Variants in GRIN3A observed in about 807,000 individuals in gnomAD.
GRIN3A encodes glutamate receptor ionotropic, NMDA 3A.
Under a neutral mutation model 92.4 loss-of-function variants are expected in GRIN3A, and 47 were observed. That is an observed-to-expected ratio of 0.51 (90% CI 0.40 to 0.65). The LOEUF (loss-of-function observed/expected upper bound fraction) is 0.65. Among genes scored for constraint, GRIN3A ranks in the 30% least tolerant of loss-of-function variants. GRIN3A has a pLI of 0.00. For missense variants in GRIN3A, 1,324 were observed against 1,393.1 expected (o/e 0.95, Z 0.79); for synonymous variants, 527 against 540.6 (o/e 0.97, Z 0.35).
chr9:101,653,115 A>AT (rs1829035139), intron 3 of GRIN3A, among the ~76,000 whole-genome samples: 2 of 151,962 alleles, frequency 1.3e-5, no homozygotes, highest in South Asian at 4.1e-4. Flanking sequence ...AATGCATAAA[A>AT]TGTTCCAAGT....
intron 6 of GRIN3A, among the ~76,000 whole-genome samples, chr9:101,609,269 T>C (rs1828326918): frequency 6.6e-6 from 1 of 152,208 alleles, no homozygotes; most frequent in South Asian, 2.1e-4. Flanking sequence ...TCTGGTAATA[T>C]TTCTTTACTT....
At chr9:101,615,047 A>G (rs1412298239) in intron 5 of GRIN3A, among the ~76,000 whole-genome samples, 14 of 152,060 alleles carry the variant, frequency 9.2e-5, no homozygotes. Context: ...TTGTTGTCAG[A>G]GTTTTATTAG....
chr9:101,624,293 A>C (rs955312484), intron 4 of GRIN3A, among the ~76,000 whole-genome samples: 7 of 151,974 alleles, frequency 4.6e-5, no homozygotes, highest in Non-Finnish European at 1.5e-5. Flanking sequence ...TTACATATGT[A>C]TACATGTGCC....
intron 1 of GRIN3A, among the ~76,000 whole-genome samples, chr9:101,726,189 A>G (rs568126456): frequency 2.5e-4 from 38 of 152,344 alleles, no homozygotes; most frequent in African/African-American, 9.1e-4. Context: ...AACCAATCAG[A>G]TATCTGGATA....
chr9:101,714,742 G>C (rs1829922401), intron 1 of GRIN3A, among the ~76,000 whole-genome samples: 1 of 152,104 alleles, frequency 6.6e-6, no homozygotes, highest in Non-Finnish European at 1.5e-5. Flanking sequence ...TAAAAAAAAT[G>C]TCAATTTGAT....
At chr9:101,700,694 ATG>A (rs1232695088) in intron 1 of GRIN3A, among the ~76,000 whole-genome samples, 9 of 152,312 alleles carry the variant, frequency 5.9e-5, no homozygotes, top group African/African-American at 2.2e-4. Context: ...CAATATAAGA[ATG>A]TATCAATATT....
chr9:101,573,486 G>A lies in GRIN3A; in HGVS notation c.3036C>T (p.Thr1012=), dbSNP rs148235119. 3.1e-6 allele frequency: 5 copies of A among 1,613,886 alleles called. No individual in the cohort carries two copies. The highest frequency in any genetic ancestry group is 2.2e-5 in the East Asian group (1 of 44,878). ...GACTCAGATTGGAAGTATTCCATAC[G>A]GTAAGCTGACGGGGTCCCACATTAG... The part of the protein sequence containing the change: ...KRSNVGPRQL[T]VWNTSNLSHD... Residue 1012 remains threonine, a synonymous_variant, in exon 9 of 9, where the codon ACC becomes ACT. Transcript: ENST00000361820.
chr9:101,628,738 C>T (rs1220422664), intron 3 of GRIN3A, among the ~76,000 whole-genome samples: 1 of 152,164 alleles, frequency 6.6e-6, no homozygotes, highest in Non-Finnish European at 1.5e-5. Context: ...ACAAAGTGTA[C>T]ATTCATAATA....
At chr9:101,638,157 G>A (rs1031356347) in intron 3 of GRIN3A, among the ~76,000 whole-genome samples, 2 of 152,082 alleles carry the variant, frequency 1.3e-5, no homozygotes, top group African/African-American at 4.8e-5. Context: ...GATGTACCTC[G>A]GTATTTTTCT....
chr9:101,680,625 A>G (rs1829455698), intron 2 of GRIN3A, among the ~76,000 whole-genome samples: 1 of 152,158 alleles, frequency 6.6e-6, no homozygotes, highest in Non-Finnish European at 1.5e-5. Context: ...ATAATAACCA[A>G]ACAGCCAGGT....
At chr9:101,683,994 T>C (rs1053579241) in intron 2 of GRIN3A, among the ~76,000 whole-genome samples, 2 of 152,214 alleles carry the variant, frequency 1.3e-5, no homozygotes, top group African/African-American at 4.8e-5. Flanking sequence ...ACAGATAATG[T>C]AGGATGTAAA....
chr9:101,645,274 T>G (rs1342949420), intron 3 of GRIN3A, among the ~76,000 whole-genome samples: 1 of 151,910 alleles, frequency 6.6e-6, no homozygotes, highest in Non-Finnish European at 1.5e-5. Flanking sequence ...GTGCTTGGCT[T>G]ATTTTACTTA....
intron 8 of GRIN3A, among the ~76,000 whole-genome samples, chr9:101,575,302 G>A (rs1827812192): frequency 6.6e-6 from 1 of 152,152 alleles, no homozygotes; most frequent in Non-Finnish European, 1.5e-5. Flanking sequence ...AGTCAGAGAG[G>A]AGATGTAATT....
At chr9:101,720,240 A>G (rs6479062) in intron 1 of GRIN3A, among the ~76,000 whole-genome samples, 18,144 of 152,218 alleles carry the variant, frequency 0.12, 2,168 homozygotes, top group African/African-American at 0.31. Flanking sequence ...TTTCCTGAAG[A>G]TGTTTCAATA....
intron 8 of GRIN3A, among the ~76,000 whole-genome samples, chr9:101,575,210 C>T (rs1010939258): frequency 1.3e-5 from 2 of 152,156 alleles, no homozygotes; most frequent in African/African-American, 4.8e-5. Flanking sequence ...GCAGAGGGTA[C>T]CAGAGCTCAG....
At chr9:101,651,515 A>G (rs899639025) in intron 3 of GRIN3A, among the ~76,000 whole-genome samples, 2 of 151,904 alleles carry the variant, frequency 1.3e-5, no homozygotes, top group Non-Finnish European at 2.9e-5. Flanking sequence ...TGTTAATTTG[A>G]TTACATATTT....
intron 1 of GRIN3A, among the ~76,000 whole-genome samples, chr9:101,700,784 G>T (rs1346217922): frequency 2.0e-5 from 3 of 151,994 alleles, no homozygotes; most frequent in African/African-American, 4.8e-5. Flanking sequence ...TGAAATTTCA[G>T]TAATCCACAT....
intron 5 of GRIN3A, among the ~76,000 whole-genome samples, chr9:101,622,883 T>A (rs547984693): frequency 6.6e-6 from 1 of 152,050 alleles, no homozygotes; most frequent in South Asian, 2.1e-4. Flanking sequence ...ATTTGGCTGT[T>A]AGAAAATACA....
chr9:101,637,301 G>C (rs1828797256), intron 3 of GRIN3A, among the ~76,000 whole-genome samples: 1 of 152,070 alleles, frequency 6.6e-6, no homozygotes, highest in Admixed American at 6.6e-5. Context: ...CACCATGTTA[G>C]CCAGGATGGT....
Sources: gnomAD v4.1 joint callset for allele counts (sites outside exome capture counted in the v4.1 genomes callset) on GRCh38, gnomAD v4.1.1 for gene constraint, MANE v1.5 for transcripts, NCBI Gene and HGNC (gene_info 2026-07-23, HGNC 2026-07-21) for gene names.